The following ZMIZ1 variants were observed in gnomAD, a reference collection of about 807,000 sequenced individuals.
The protein encoded by ZMIZ1 is zinc finger MIZ domain-containing protein 1.
A neutral mutation model predicts 113.9 loss-of-function variants in ZMIZ1; 17 were observed. The observed-to-expected ratio is 0.15, with a 90% CI of 0.10 to 0.22. ZMIZ1 has a LOEUF of 0.22. Ranked by LOEUF, ZMIZ1 falls within the 10% of genes least tolerant of loss-of-function variation. ZMIZ1 has a pLI of 1.00. For synonymous variants in ZMIZ1, 607 were observed against 603.1 expected (o/e 1.01, Z -0.09); for missense variants, 1,059 against 1,477.8 (o/e 0.72, Z 4.65).
chr10:79,092,052 C>T (rs1251445754), intron 1 of ZMIZ1, among the ~76,000 whole-genome samples: 1 of 152,092 alleles, frequency 6.6e-6, no homozygotes. Context: ...CCCACCAGCC[C>T]CGCTCCATGC....
chr10:79,235,907 T>A (rs1326698697), intron 7 of ZMIZ1, among the ~76,000 whole-genome samples: 1 of 152,248 alleles, frequency 6.6e-6, no homozygotes, highest in Non-Finnish European at 1.5e-5. Context: ...GCCAGGAGTC[T>A]GGGGTTCTAG....
At chr10:79,214,662 G>A (rs1848649607) in intron 6 of ZMIZ1, among the ~76,000 whole-genome samples, 1 of 152,136 alleles carries the variant, frequency 6.6e-6, no homozygotes, top group South Asian at 2.1e-4. Flanking sequence ...GGCCCCTCCA[G>A]GCGCCTCTGG....
intron 1 of ZMIZ1, among the ~76,000 whole-genome samples, chr10:79,070,537 C>T (rs954825209): frequency 1.3e-5 from 2 of 152,170 alleles, no homozygotes; most frequent in Admixed American, 6.5e-5. Context: ...GCAGCCGGTC[C>T]GGGCCCCCCA....
intron 8 of ZMIZ1, among the ~76,000 whole-genome samples, chr10:79,282,261 T>C (rs1185878423): frequency 1.3e-5 from 2 of 152,228 alleles, no homozygotes; most frequent in East Asian, 3.8e-4. Context: ...TCCATAATTT[T>C]ATTGAATGGC....
intron 11 of ZMIZ1, 122 bp downstream of exon 11, chr10:79,292,478 T>C (rs540081738): frequency 6.8e-6 from 9 of 1,325,044 alleles, no homozygotes; most frequent in Non-Finnish European, 8.4e-6. Flanking sequence ...CTGACTGCAT[T>C]AGGGTGCATT....
intron 7 of ZMIZ1, among the ~76,000 whole-genome samples, chr10:79,262,424 C>T (rs181693224): frequency 7.9e-5 from 12 of 152,352 alleles, no homozygotes; most frequent in Admixed American, 3.9e-4. Flanking sequence ...AATCATTCAG[C>T]CCTGCTCTGG....
chr10:79,148,457 A>G (rs940301256), intron 3 of ZMIZ1, among the ~76,000 whole-genome samples: 1 of 152,220 alleles, frequency 6.6e-6, no homozygotes, highest in Non-Finnish European at 1.5e-5. Context: ...CACACAGAGC[A>G]TCATCAGACC....
intron 19 of ZMIZ1, among the ~76,000 whole-genome samples, chr10:79,304,510 C>T (rs1854551068): frequency 6.6e-6 from 1 of 152,234 alleles, no homozygotes; most frequent in South Asian, 2.1e-4. Context: ...TGTCCAGGGC[C>T]TTGCATCAAG....
chr10:79,131,658 CCT>C (rs1490152222), intron 2 of ZMIZ1, among the ~76,000 whole-genome samples: 1 of 152,114 alleles, frequency 6.6e-6, no homozygotes, highest in Non-Finnish European at 1.5e-5. Flanking sequence ...CTGCTTCTCC[CCT>C]GTGCTGTCCC....
chr10:79,208,462 C>T lies in ZMIZ1; in HGVS notation c.174+13C>T, dbSNP rs774687852. On this transcript the variant is annotated intron_variant, in intron 6 of 24. Coordinates refer to ENST00000334512, the MANE Select transcript of ZMIZ1 (RefSeq NM_020338.4). Reference sequence around the variant, plus strand: ...GGGCTGTTTGACGGTGAGTCTGCACCCTGTCCGCCTGCATTCCTGCCCAGG... The same window carrying T: ...GGGCTGTTTGACGGTGAGTCTGCACTCTGTCCGCCTGCATTCCTGCCCAGG... 8 of 1,605,498 alleles carry T rather than the reference C, an allele frequency of 5.0e-6. No individual in the cohort carries two copies. The African/African-American group carries it at 1.1e-4, about 21-fold the overall frequency.
At chr10:79,150,476 G>A (rs1278141829) in intron 3 of ZMIZ1, among the ~76,000 whole-genome samples, 1 of 152,224 alleles carries the variant, frequency 6.6e-6, no homozygotes, top group Non-Finnish European at 1.5e-5. Context: ...CAAAGCCTGT[G>A]ACCCTTGGGG....
At chr10:79,094,448 G>C (rs1799826598) in intron 1 of ZMIZ1, among the ~76,000 whole-genome samples, 1 of 152,240 alleles carries the variant, frequency 6.6e-6, no homozygotes, top group Non-Finnish European at 1.5e-5. Context: ...CTCGCACACT[G>C]CCACTGTCGG....
intron 1 of ZMIZ1, among the ~76,000 whole-genome samples, chr10:79,075,009 C>A (rs1842421495): frequency 6.6e-6 from 1 of 152,236 alleles, no homozygotes; most frequent in African/African-American, 2.4e-5. Context: ...CTCCCCTAAT[C>A]CTGTTAGTCT....
intron 1 of ZMIZ1, among the ~76,000 whole-genome samples, chr10:79,092,619 G>T (rs1272699532): frequency 6.6e-6 from 1 of 152,228 alleles, no homozygotes; most frequent in Non-Finnish European, 1.5e-5. Context: ...AGGTTTCTGT[G>T]TACGCTTCTT....
At chr10:79,157,035 GAGAAGGCAGCATGGAGGAGGTGGCTCTT>G (rs1845927069) in intron 3 of ZMIZ1, among the ~76,000 whole-genome samples, 1 of 74,156 alleles carries the variant, frequency 1.3e-5, no homozygotes, top group Non-Finnish European at 4.1e-5. Flanking sequence ...GTGGCTCTCA[GAGAAGGCAGCATGGAGGAGGTGGCTCTT>G]TGAGCATTGA....
At chr10:79,090,712 T>C (rs969849968) in intron 1 of ZMIZ1, among the ~76,000 whole-genome samples, 3 of 152,340 alleles carry the variant, frequency 2.0e-5, no homozygotes, top group South Asian at 2.1e-4. Flanking sequence ...TGGAGCAGCC[T>C]GCTCACAAAA....
At chr10:79,221,315 C>T (rs1324333713) in intron 7 of ZMIZ1, among the ~76,000 whole-genome samples, 5 of 152,170 alleles carry the variant, frequency 3.3e-5, no homozygotes, top group South Asian at 4.1e-4. Flanking sequence ...GCGCAGGAGG[C>T]GAGCACAGGC....
chr10:79,070,352 G>A (rs1259457886), intron 1 of ZMIZ1, among the ~76,000 whole-genome samples: 2 of 152,156 alleles, frequency 1.3e-5, no homozygotes, highest in African/African-American at 2.4e-5. Context: ...GAGCGGTGGG[G>A]GCGCGGGCGA....
chr10:79,303,645 A>C (rs1156846449), intron 18 of ZMIZ1, among the ~76,000 whole-genome samples: 2 of 152,236 alleles, frequency 1.3e-5, no homozygotes, highest in South Asian at 4.2e-4. Context: ...AGTGAAGTGC[A>C]GGAGTGCCTG....
Sources: gnomAD v4.1 joint callset for allele counts (sites outside exome capture counted in the v4.1 genomes callset) on GRCh38, gnomAD v4.1.1 for gene constraint, MANE v1.5 for transcripts, NCBI Gene and HGNC (gene_info 2026-07-23, HGNC 2026-07-21) for gene names.